The following HINT2 variants were observed in gnomAD, a reference collection of about 807,000 sequenced individuals.
HINT2 encodes the protein histidine triad nucleotide binding protein 2, also known as adenosine 5'-monophosphoramidase HINT2.
Under a neutral mutation model 20.0 loss-of-function variants are expected in HINT2, and 17 were observed. That is an observed-to-expected ratio of 0.85 (90% CI 0.58 to 1.27). HINT2 has a LOEUF of 1.27. Among genes scored for constraint, HINT2 ranks in the 50% most tolerant of loss-of-function variants. HINT2 has a pLI of 0.00. For missense variants in HINT2, 217 were observed against 211.9 expected (o/e 1.02, Z -0.15); for synonymous variants, 96 against 84.2 (o/e 1.14, Z -0.77).
rs757960939 is a variant in HINT2 at position 35,813,466 on chromosome 9, C to T, written c.306G>A (p.Gln102=). 1.9e-6 allele frequency: 3 copies of T among 1,614,168 alleles called. No homozygotes were observed. Among genetic ancestry groups the T allele is most frequent in the Admixed American group, 1.7e-5 (1 of 60,020 alleles). The part of the protein sequence containing the change: ...IPKKPIPRIS[Q]AEEEDQQLLG... ...CCACCTGCTGGTCTTCTTCTTCAGC[C>T]TGGCTAATCCGAGGAATGGGCTTCT... Residue 102 remains glutamine (Q), a synonymous_variant, in exon 3 of 5, where the codon CAG becomes CAA. Coordinates refer to ENST00000259667, the MANE Select transcript of HINT2 (RefSeq NM_032593.3).
chr9:35,814,878 C>A, intron 1 of HINT2, 21 bp downstream of exon 1: 2 of 1,485,360 alleles, frequency 1.3e-6, no homozygotes, highest in Non-Finnish European at 1.8e-6. Flanking sequence ...ACCCCCTACT[C>A]GCTCCCGCGC....
In HINT2 at chr9:35,814,942, G is replaced by A; in HGVS notation, c.38C>T (p.Ala13Val). 3 of 1,485,226 alleles carry A rather than the reference G, an allele frequency of 2.0e-6. No individual in the cohort carries two copies. The East Asian group carries it at 8.8e-5, about 44-fold the overall frequency. The allele number at this position is 1,485,226 out of a possible 1,614,324, so 92.0% of individuals were successfully genotyped here. Reference sequence around the variant, plus strand: ...CGTGGCCGCCACGGCTCTGCGCGCCGCGCGCAACCCAGCAGCCAGCACCAC... The same window carrying A: ...CGTGGCCGCCACGGCTCTGCGCGCCACGCGCAACCCAGCAGCCAGCACCAC... ...AAVVLAAGLR[A>V]ARRAVAATGV... The change falls in exon 1 of 5, where the codon GCG becomes GTG. Residue 13 changes from alanine to valine, a missense_variant. Physicochemically the swap from Ala to Val is moderately conservative, Grantham distance 64 (BLOSUM62 0). Transcript: ENST00000259667.
Position 35,813,709 on chromosome 9 carries a change from G to C in HINT2, c.157C>G (p.Pro53Ala). The change falls in exon 2 of 5, where the codon CCA becomes GCA. Residue 53 changes from proline (P) to alanine (A), a missense_variant. Transcript: ENST00000259667. ...AQQATPGGAA[P>A]TIFSRILDKS... ...TCCAGGATCCGGGAGAAGATGGTTG[G>C]GGCTGCTCCCCCAGGAGTTGCCTGC... 2 of 1,614,164 alleles carry C rather than the reference G, an allele frequency of 1.2e-6. No individual in the cohort carries two copies. The highest frequency in any genetic ancestry group is 1.7e-6 in the Non-Finnish European group (2 of 1,180,008).
upstream of HINT2, chr9:35,815,135 G>T: frequency 1.7e-6 from 1 of 587,674 alleles, no homozygotes; most frequent in Non-Finnish European, 2.7e-6. Flanking sequence ...TCACCCCATT[G>T]CCTCTGCAGC....
chr9:35,814,911 C>A lies in HINT2; in HGVS notation c.69G>T (p.Val23=). The change falls in exon 1 of 5, where the codon GTG becomes GTT. Residue 23 remains valine, a synonymous_variant. Coordinates refer to ENST00000259667, the MANE Select transcript of HINT2 (RefSeq NM_032593.3). Reference sequence around the variant, plus strand: ...CGCCACTTCTCACCTGCCCCCCGCGCACCCCCGTGGCCGCCACGGCTCTGC... The same window carrying A: ...CGCCACTTCTCACCTGCCCCCCGCGAACCCCCGTGGCCGCCACGGCTCTGC... ...AARRAVAATG[V]RGGQVRGAAG... is the part of the protein sequence containing the mutation. 1 of 1,488,076 alleles carries A rather than the reference C, an allele frequency of 6.7e-7. No homozygotes were observed. 92.2% of individuals were successfully genotyped at this position (1,488,076 alleles called of 1,614,324 possible).
At chr9:35,813,381 G>A (rs1828907634) in intron 3 of HINT2, 43 bp from the exon 4 acceptor site, 2 of 1,608,760 alleles carry the variant, frequency 1.2e-6, no homozygotes, top group Middle Eastern at 3.3e-4. Context: ...CATTCATAGG[G>A]AGCAAGACCT....
At chr9:35,815,085 G>C, upstream of HINT2, 1 of 1,050,462 alleles carries the variant, frequency 9.5e-7, no homozygotes, top group Non-Finnish European at 1.3e-6. Flanking sequence ...GCGGCCGGGC[G>C]AGCCCTGCTA....
At chr9:35,815,306 G>A (rs1440657506), upstream of HINT2, 2 of 279,822 alleles carry the variant, frequency 7.1e-6, no homozygotes, top group Non-Finnish European at 1.3e-5. Context: ...TCCATTGGAA[G>A]GATTAATGGA....
At chr9:35,813,604 TACA>T (rs1243877707) in intron 2 of HINT2, 37 bp downstream of exon 2, 30 of 1,613,964 alleles carry the variant, frequency 1.9e-5, no homozygotes, top group Non-Finnish European at 2.5e-5. Flanking sequence ...GGATGGTATC[TACA>T]ACATTCCTAA....
chr9:35,815,068 G>A (rs570547188), upstream of HINT2: 3 of 1,209,500 alleles, frequency 2.5e-6, no homozygotes, highest in South Asian at 1.9e-5. Flanking sequence ...GGGGAAGCGG[G>A]GTAGTGGCGG....
At chr9:35,815,224 T>G (rs1331967306), upstream of HINT2, 1 of 445,666 alleles carries the variant, frequency 2.2e-6, no homozygotes, top group East Asian at 3.7e-5. Context: ...ATTGGTTTCG[T>G]CTTCTAGTCC....
chr9:35,814,736 G>T, intron 1 of HINT2, 163 bp downstream of exon 1: 1 of 598,478 alleles, frequency 1.7e-6, no homozygotes, highest in Non-Finnish European at 2.7e-6. Context: ...GTTCTCCGGA[G>T]CCACCAGTTC....
chr9:35,815,187 AC>A, upstream of HINT2: 1 of 472,286 alleles, frequency 2.1e-6, no homozygotes, highest in Non-Finnish European at 3.7e-6. Flanking sequence ...GGCTGCTTCT[AC>A]CAACGCGAGG....
At chr9:35,814,791 G>A (rs1258194351) in intron 1 of HINT2, 108 bp downstream of exon 1, 5 of 972,850 alleles carry the variant, frequency 5.1e-6, no homozygotes, top group Non-Finnish European at 7.1e-6. Flanking sequence ...GAGGGGCAGA[G>A]GCCACAGGCA....
At chr9:35,814,469 G>T (rs966262584) in intron 1 of HINT2, 1 of 163,404 alleles carries the variant, frequency 6.1e-6, no homozygotes, top group African/African-American at 2.4e-5. Flanking sequence ...CGTTGGGGGA[G>T]AACGGGACGG....
At position 35,813,137 on chromosome 9, in the gene HINT2, C is replaced by T. The variant is rs371856545; in HGVS notation, c.409G>A (p.Asp137Asn). 1.1e-5 allele frequency: 17 copies of T among 1,614,184 alleles called. No individual in the cohort carries two copies. Among genetic ancestry groups the T allele is most frequent in the Admixed American group, 1.7e-5 (1 of 60,026 alleles). The change falls in exon 5 of 5, where the codon GAT becomes AAT. Residue 137 changes from aspartate to asparagine, a missense_variant. By Grantham distance (23) the Asp-to-Asn change is conservative (BLOSUM62 1). Coordinates refer to ENST00000259667, the MANE Select transcript of HINT2 (RefSeq NM_032593.3). ...LGDGYRLVIN[D>N]GKLGAQSVYH... The stretch of plus-strand genomic sequence containing the variant: ...ACAGATTGTGCACCCAGCTTCCCAT[C>T]GTTGATCACTGAAATTGAGCTTGGG...
intron 2 of HINT2, 24 bp from the exon 3 acceptor site, chr9:35,813,573 G>A (rs754739289): frequency 1.2e-6 from 2 of 1,614,054 alleles, no homozygotes; most frequent in Admixed American, 1.7e-5. Flanking sequence ...CAGGCCAGAG[G>A]CCACGTTACT....
chr9:35,814,969 G>A lies in HINT2; in HGVS notation c.11C>T (p.Ala4Val), dbSNP rs893321891. Residue 4 changes from alanine (A) to valine (V), a missense_variant, in exon 1 of 5, where the codon GCC (alanine) becomes GTC (valine). By Grantham distance (64) the Ala-to-Val change is moderately conservative. Coordinates refer to ENST00000259667, the MANE Select transcript of HINT2 (RefSeq NM_032593.3). Reference sequence around the variant, plus strand: ...GCGCAACCCAGCAGCCAGCACCACGGCTGCCGCCATCTTCCCTGAGCCGCG... The same window carrying A: ...GCGCAACCCAGCAGCCAGCACCACGACTGCCGCCATCTTCCCTGAGCCGCG... MAA[A>V]VVLAAGLRAA... 3 of 1,474,272 alleles carry A rather than the reference G, an allele frequency of 2.0e-6. No individual in the cohort carries two copies. Among genetic ancestry groups the A allele is most frequent in the African/African-American group, 1.5e-5 (1 of 68,118 alleles). 91.3% of individuals were successfully genotyped at this position (1,474,272 alleles called of 1,614,324 possible). A position where few individuals can be genotyped will look rare whatever the true frequency, so the allele number is the denominator to read the frequency against.
At position 35,812,996 on chromosome 9, in the gene HINT2, A is replaced by C; in HGVS notation, c.*58T>G. ...CAGTTTTATTAGCATCACAGGGTCC[A>C]TTTTTCCCTTTCCATCCAAGCATCC... On this transcript the variant is annotated 3_prime_UTR_variant, in exon 5 of 5. Transcript: ENST00000259667. The C allele has an allele frequency of 7.5e-7, 1 of 1,339,870 alleles. No individual in the cohort carries two copies. Among genetic ancestry groups the C allele is most frequent in the South Asian group, 1.2e-5 (1 of 85,700 alleles). 83.0% of individuals were successfully genotyped at this position (1,339,870 alleles called of 1,614,324 possible).
Sources: gnomAD v4.1 joint callset for allele counts on GRCh38, gnomAD v4.1.1 for gene constraint, MANE v1.5 for transcripts, NCBI Gene and HGNC (gene_info 2026-07-23, HGNC 2026-07-21) for gene names.